ABLIM3: variants seen among roughly 807,000 people sequenced by gnomAD.
ABLIM3 encodes the protein actin binding LIM protein family member 3, also known as actin-binding LIM protein 3.
A neutral mutation model predicts 109.5 loss-of-function variants in ABLIM3; 61 were observed. The observed-to-expected ratio is 0.56, with a 90% CI of 0.45 to 0.69. ABLIM3 has a LOEUF of 0.69. Ranked by LOEUF, ABLIM3 falls within the 30% of genes least tolerant of loss-of-function variation. The probability of loss-of-function intolerance (pLI) is 0.00; values close to 1 mark genes in which losing one functional copy is unlikely to be tolerated. For missense variants in ABLIM3, 796 were observed against 889.5 expected, an observed-to-expected ratio of 0.89 and a Z score of 1.34; for synonymous variants, 300 against 324.8, an observed-to-expected ratio of 0.92 and a Z score of 0.82.
intron 23 of ABLIM3, among the ~76,000 whole-genome samples, chr5:149,255,764 G>C (rs1411771779): frequency 6.6e-6 from 1 of 152,182 alleles, no homozygotes; most frequent in Non-Finnish European, 1.5e-5. Context: ...CAAAGATGAG[G>C]AGGAGAAGAT....
At chr5:149,238,602 C>T (rs772655120) in intron 11 of ABLIM3, among the ~76,000 whole-genome samples, 18 of 152,226 alleles carry the variant, frequency 1.2e-4, no homozygotes, top group Non-Finnish European at 1.8e-4. Context: ...TTTGAAAATG[C>T]AAACTAGTTG....
At chr5:149,184,095 G>A (rs1236027356) in intron 3 of ABLIM3, among the ~76,000 whole-genome samples, 2 of 151,952 alleles carry the variant, frequency 1.3e-5, no homozygotes. Context: ...GCACATAGCT[G>A]TTAGGTCATC....
At chr5:149,199,779 A>G (rs1758327100) in intron 4 of ABLIM3, among the ~76,000 whole-genome samples, 1 of 152,208 alleles carries the variant, frequency 6.6e-6, no homozygotes, top group Admixed American at 6.5e-5. Flanking sequence ...ATGGTTCATA[A>G]TTTAGTTGGG....
chr5:149,149,807 G>T (rs1045583637), intron 2 of ABLIM3, among the ~76,000 whole-genome samples: 1 of 152,168 alleles, frequency 6.6e-6, no homozygotes, highest in South Asian at 2.1e-4. Flanking sequence ...GTGTGAGAAG[G>T]ACATTAAGAA....
At chr5:149,235,237 T>G (rs1762231734) in intron 10 of ABLIM3, among the ~76,000 whole-genome samples, 1 of 152,108 alleles carries the variant, frequency 6.6e-6, no homozygotes, top group African/African-American at 2.4e-5. Flanking sequence ...GCTTTCAAAT[T>G]TGGAAAAAAA....
Position 149,259,021 on chromosome 5 carries a change from CCTTCTG to C in ABLIM3, c.*619_*624del. On this transcript the variant is annotated 3_prime_UTR_variant, in exon 24 of 24. Transcript: ENST00000309868. ...CTCTCCTCAGCTCCTTAACCCTCCT[CCTTCTG>C]CCCTGGATTGTAACCTCTCCCTTGT... 1.0e-6 allele frequency: 1 copy of C among 1,000,356 alleles called. No homozygotes were observed. Among genetic ancestry groups the C allele is most frequent in the Non-Finnish European group, 1.2e-6 (1 of 838,710 alleles). The allele number at this position is 1,000,356 out of a possible 1,614,324, so 62.0% of individuals were successfully genotyped here.
chr5:149,256,138 C>T (rs182594374), intron 23 of ABLIM3, among the ~76,000 whole-genome samples: 111 of 152,316 alleles, frequency 7.3e-4, no homozygotes, highest in African/African-American at 2.4e-3. Flanking sequence ...AAAGGAGGCC[C>T]CAGCTGGCCC....
At chr5:149,204,419 GGAA>G (rs1033754036) in intron 5 of ABLIM3, among the ~76,000 whole-genome samples, 5 of 152,114 alleles carry the variant, frequency 3.3e-5, no homozygotes, top group African/African-American at 1.2e-4. Context: ...AGTGAAAGGA[GGAA>G]GAAGAGGGCG....
At position 149,206,890 on chromosome 5, in the gene ABLIM3, G is replaced by GA. The variant is rs397793629; in HGVS notation, c.449-118_449-117insA. 5.0e-5 allele frequency: 71 copies of GA among 1,414,664 alleles called. No individual in the cohort carries two copies. In the African/African-American group the frequency reaches 8.0e-4, roughly 16 times the overall value. The allele number at this position is 1,414,664 out of a possible 1,614,324, so 87.6% of individuals were successfully genotyped here. ...GCCTCTGGGAAGCTTCCAGTGTCAG[G>GA]TGGGAGCAACTATGGGAACACTGGC... On this transcript the variant is annotated intron_variant, in intron 5 of 23. Transcript: ENST00000309868.
intron 7 of ABLIM3, chr5:149,216,600 G>T: frequency 4.6e-6 from 1 of 215,926 alleles, no homozygotes; most frequent in Non-Finnish European, 9.1e-6. Context: ...TGTAACATTA[G>T]TGGTAAGGGC....
intron 2 of ABLIM3, among the ~76,000 whole-genome samples, chr5:149,181,639 A>G (rs1756462307): frequency 1.3e-5 from 2 of 152,226 alleles, no homozygotes; most frequent in African/African-American, 4.8e-5. Context: ...ATACCTGTAA[A>G]TGGGAGATGA....
At chr5:149,208,589 A>C (rs1402001372) in intron 6 of ABLIM3, among the ~76,000 whole-genome samples, 1 of 152,048 alleles carries the variant, frequency 6.6e-6, no homozygotes, top group Non-Finnish European at 1.5e-5. Flanking sequence ...ACTCCAGCAA[A>C]AGTCCCAGGT....
At chr5:149,166,596 C>G (rs1754861139) in intron 2 of ABLIM3, among the ~76,000 whole-genome samples, 2 of 152,190 alleles carry the variant, frequency 1.3e-5, no homozygotes. Context: ...GAAGTATGTT[C>G]TTTCCCACCT....
chr5:149,211,984 A>C lies in ABLIM3; in HGVS notation c.669+1165A>C, dbSNP rs942496752. ...TGATTCTGCTCACAATAGCTGACCC[A>C]GTCTGCCAATGTGGCTGAATTCTAT... On this transcript the variant is annotated intron_variant, in intron 7 of 23. Transcript: ENST00000309868. 5.3e-5 allele frequency among the ~76,000 whole-genome samples: 8 copies of C among 152,258 alleles called. No homozygotes were observed. In the East Asian group the frequency reaches 1.6e-3, roughly 30 times the overall value.
At position 149,195,851 on chromosome 5, in the gene ABLIM3, C is replaced by T. The variant is rs538184353; in HGVS notation, c.152-2368C>T. On this transcript the variant is annotated intron_variant, in intron 3 of 23. Coordinates refer to ENST00000309868, the MANE Select transcript of ABLIM3 (RefSeq NM_014945.5). ...ACTTCTGCCACCACCACCATCTCCACCACACTCCTGCCTCTTCGTAGGGGT... is the reference window on the plus strand; with the variant it reads ...ACTTCTGCCACCACCACCATCTCCATCACACTCCTGCCTCTTCGTAGGGGT... 3.9e-5 allele frequency among the ~76,000 whole-genome samples: 6 copies of T among 152,328 alleles called. No homozygotes were observed. The South Asian group carries it at 6.2e-4, about 16-fold the overall frequency.
At chr5:149,186,554 C>G (rs530431515) in intron 3 of ABLIM3, among the ~76,000 whole-genome samples, 2 of 151,928 alleles carry the variant, frequency 1.3e-5, no homozygotes, top group South Asian at 4.2e-4. Flanking sequence ...GTAATAGAGT[C>G]AAGCAGAAAA....
chr5:149,204,309 G>A (rs2127504234), intron 5 of ABLIM3, among the ~76,000 whole-genome samples: 1 of 152,288 alleles, frequency 6.6e-6, no homozygotes, highest in South Asian at 2.1e-4. Flanking sequence ...TGGCTCTGCA[G>A]ACACCAACTT....
chr5:149,256,175 TC>T (rs1370607042), intron 23 of ABLIM3, among the ~76,000 whole-genome samples: 3 of 152,196 alleles, frequency 2.0e-5, no homozygotes, highest in Middle Eastern at 3.2e-3. Context: ...CTGGTCTCCT[TC>T]CAGTGTGTCC....
At chr5:149,247,108 A>T (rs915663084) in intron 17 of ABLIM3, among the ~76,000 whole-genome samples, 10 of 152,274 alleles carry the variant, frequency 6.6e-5, no homozygotes, top group Admixed American at 2.6e-4. Context: ...GTGGAATATT[A>T]TTCAGCCATG....
Sources: gnomAD v4.1 joint callset for allele counts (sites outside exome capture counted in the v4.1 genomes callset) on GRCh38, gnomAD v4.1.1 for gene constraint, MANE v1.5 for transcripts, NCBI Gene and HGNC (gene_info 2026-07-23, HGNC 2026-07-21) for gene names.